The following PRL variants were observed in gnomAD, a reference collection of about 807,000 sequenced individuals.
The protein encoded by PRL is prolactin.
Under a neutral mutation model 21.3 loss-of-function variants are expected in PRL, and 24 were observed. The ratio of observed to expected loss-of-function variants is 1.13; its 90% confidence interval spans 0.82 to 1.59. The LOEUF (loss-of-function observed/expected upper bound fraction) is 1.59, where lower values mean the gene tolerates loss of function less well. Ranked by LOEUF, PRL falls within the 40% of genes most tolerant of loss-of-function variation. The pLI is 0.00. For missense variants in PRL, 243 were observed against 286.9 expected, an observed-to-expected ratio of 0.85 and a Z score of 1.10; for synonymous variants, 118 against 115.7, an observed-to-expected ratio of 1.02 and a Z score of -0.13.
rs114933155 is a variant in PRL, at chr6:22,287,914, G to A, written c.493-321C>T. The stretch of plus-strand genomic sequence containing the variant: ...TGACGAAGAGACAATGGAGTAGCTA[G>A]CTTCGGTGCTCTCACTTGAGGAACT... On this transcript the variant is annotated intron_variant, in intron 4 of 4. Coordinates refer to ENST00000306482, the MANE Select transcript of PRL (RefSeq NM_000948.6). 3.4e-3 allele frequency among the ~76,000 whole-genome samples: 513 copies of A among 152,294 alleles called. 4 individuals are homozygous for A. The highest frequency in any genetic ancestry group is 0.012 in the African/African-American group (478 of 41,562).
chr6:22,295,263 A>T (rs2113513426), intron 1 of PRL, among the ~76,000 whole-genome samples: 1 of 152,314 alleles, frequency 6.6e-6, no homozygotes, highest in East Asian at 1.9e-4. Context: ...TGTAATTATC[A>T]TCAAATTATA....
At chr6:22,293,891 T>C (rs1232984652) in intron 2 of PRL, among the ~76,000 whole-genome samples, 2 of 152,234 alleles carry the variant, frequency 1.3e-5, no homozygotes, top group African/African-American at 2.4e-5. Context: ...TAAACCCATA[T>C]ACTGAAATCT....
At chr6:22,287,863 G>A (rs1760956050) in intron 4 of PRL, among the ~76,000 whole-genome samples, 2 of 152,174 alleles carry the variant, frequency 1.3e-5, no homozygotes, top group South Asian at 4.1e-4. Context: ...AACTGGAAAG[G>A]TACTATGTAA....
rs1237405271 is a variant in PRL, at chr6:22,294,544, G to C, written c.69C>G (p.Cys23Trp). 1.2e-6 allele frequency: 2 copies of C among 1,612,816 alleles called. No homozygotes were observed. Among genetic ancestry groups the C allele is most frequent in the South Asian group, 2.2e-5 (2 of 90,924 alleles). ...LLLLVSNLLL[C>W]QSVAPLPICP... Reference sequence around the variant, plus strand: ...AGATGGGCAAGGGGGCCACGCTCTGGCACAGGAGCAGGTTTGACACCAGCA... The same window carrying C: ...AGATGGGCAAGGGGGCCACGCTCTGCCACAGGAGCAGGTTTGACACCAGCA... The change falls in exon 2 of 5, where the codon TGC (cysteine) becomes TGG (tryptophan). Residue 23 changes from cysteine to tryptophan, a missense_variant. Coordinates refer to ENST00000306482, the MANE Select transcript of PRL (RefSeq NM_000948.6).
In PRL at chr6:22,290,191, C is replaced by T; in HGVS notation, c.475G>A (p.Glu159Lys). 1 of 1,596,038 alleles carries T rather than the reference C, an allele frequency of 6.3e-7. No homozygotes were observed. Among genetic ancestry groups the T allele is most frequent in the Non-Finnish European group, 8.6e-7 (1 of 1,167,172 alleles). Residue 159 changes from glutamate (E) to lysine (K), a missense_variant, in exon 4 of 5, where the codon GAG becomes AAG. Transcript: ENST00000306482. ...CTGCTCACCTGGCTGACTATCAGCT[C>T]CATGCCCTCTAGAAGCCGTTTGGTT... is the stretch of plus-strand genomic sequence containing the variant. The part of the protein sequence containing the change: ...EQTKRLLEGM[E>K]LIVSQVHPET...
At chr6:22,294,716 G>A (rs542339086) in intron 1 of PRL, 132 bp from the exon 2 acceptor site, 8 of 943,000 alleles carry the variant, frequency 8.5e-6, no homozygotes, top group East Asian at 2.7e-5. Flanking sequence ...TAATGGCTGG[G>A]ATGGGGGAAG....
rs1761194386 is a variant in PRL at position 22,297,027 on chromosome 6, G to C, written c.-45C>G. 5 of 1,606,166 alleles carry C rather than the reference G, an allele frequency of 3.1e-6. No individual in the cohort carries two copies. In the African/African-American group the frequency reaches 5.4e-5, roughly 17 times the overall value. ...AACACACTTCACCAGAGAAGATCTG[G>C]AAGTCTCACGGTTTTCTCTTTCCCA... On this transcript the variant is annotated 5_prime_UTR_variant, in exon 1 of 5. Transcript: ENST00000306482.
chr6:22,292,502 G>A (rs757196580), intron 3 of PRL, 36 bp downstream of exon 3: 16 of 1,575,188 alleles, frequency 1.0e-5, no homozygotes. Flanking sequence ...ATACTGCCTT[G>A]GTTGTTTTGG....
At chr6:22,301,886 T>A (rs1761287603), upstream of PRL, among the ~76,000 whole-genome samples, 1 of 152,158 alleles carries the variant, frequency 6.6e-6, no homozygotes, top group Non-Finnish European at 1.5e-5. Flanking sequence ...AATTCTTTGA[T>A]GGAATGCTCT....
upstream of PRL, among the ~76,000 whole-genome samples, chr6:22,301,406 C>A (rs1761279606): frequency 6.6e-6 from 1 of 152,074 alleles, no homozygotes; most frequent in Non-Finnish European, 1.5e-5. Flanking sequence ...AAATGATAGG[C>A]ATTGATGTTT....
chr6:22,289,005 T>G (rs1460849938), intron 4 of PRL, among the ~76,000 whole-genome samples: 1 of 152,148 alleles, frequency 6.6e-6, no homozygotes, highest in Non-Finnish European at 1.5e-5. Context: ...TTATTTTTAA[T>G]TTTTGGTACT....
rs1760939607 is a variant in PRL, at chr6:22,287,289, AGAG to A, written c.*110_*112del. Reference sequence around the variant, plus strand: ...CTAAGGAGTCAGTTTTTATTTTTTAAGAGGAGACCTGTTACACCCAAGCATGGA... The same window carrying A: ...CTAAGGAGTCAGTTTTTATTTTTTAAGAGACCTGTTACACCCAAGCATGGA... On this transcript the variant is annotated 3_prime_UTR_variant, in exon 5 of 5. Coordinates refer to ENST00000306482, the MANE Select transcript of PRL (RefSeq NM_000948.6). 6 of 1,095,520 alleles carry A rather than the reference AGAG, an allele frequency of 5.5e-6. No individual in the cohort carries two copies. Among genetic ancestry groups the A allele is most frequent in the Non-Finnish European group, 6.2e-6 (5 of 802,628 alleles). The allele number at this position is 1,095,520 out of a possible 1,614,324, so 67.9% of individuals were successfully genotyped here.
upstream of PRL, among the ~76,000 whole-genome samples, chr6:22,302,292 C>A (rs1201968790): frequency 1.3e-5 from 2 of 149,772 alleles, no homozygotes; most frequent in African/African-American, 4.9e-5. Context: ...ACTCACACAC[C>A]CAGAACACAA....
rs770982034 is a variant in PRL, at chr6:22,290,248, T to C, written c.418A>G (p.Ile140Val). The C allele has an allele frequency of 6.2e-7, 1 of 1,613,316 alleles. No individual in the cohort carries two copies. The highest frequency in any genetic ancestry group is 8.5e-7 in the Non-Finnish European group (1 of 1,179,360). The change falls in exon 4 of 5, where the codon ATC becomes GTC. Residue 140 changes from isoleucine (I) to valine (V), a missense_variant. By Grantham distance (29) the Ile-to-Val change is conservative. Coordinates refer to ENST00000306482, the MANE Select transcript of PRL (RefSeq NM_000948.6). ...VRGMQEAPEA[I>V]LSKAVEIEEQ... is the part of the protein sequence containing the mutation. ...TCAATCTCTACAGCTTTGGATAGGA[T>C]AGCCTCCGGGGCTTCTTGCATACCA... is the stretch of plus-strand genomic sequence containing the variant.
intron 3 of PRL, among the ~76,000 whole-genome samples, chr6:22,291,663 C>G (rs963825748): frequency 6.6e-6 from 1 of 152,124 alleles, no homozygotes; most frequent in African/African-American, 2.4e-5. Context: ...CTCCTTCTCC[C>G]CTTTCTCTTT....
Position 22,287,539 on chromosome 6 carries a change from A to C in PRL, c.547T>G (p.Ser183Ala), listed in dbSNP as rs138984819. The C allele has an allele frequency of 4.1e-5, 66 of 1,613,962 alleles. No homozygotes were observed. In the Middle Eastern group the frequency reaches 8.2e-4, roughly 20 times the overall value. The change falls in exon 5 of 5, where the codon TCC becomes GCC. Residue 183 changes from serine (S) to alanine (A), a missense_variant. By Grantham distance (99) the Ser-to-Ala change is moderately conservative (BLOSUM62 1). Transcript: ENST00000306482. ...GACTCTTCATCAGCCATCTGCAGGG[A>C]TGGAAGTCCCGACCAGACAGGGTAG... ...EIYPVWSGLP[S>A]LQMADEESRL...
intron 2 of PRL, 37 bp downstream of exon 2, chr6:22,294,372 G>A (rs1189129477): frequency 6.2e-7 from 1 of 1,610,452 alleles, no homozygotes; most frequent in African/African-American, 1.3e-5. Context: ...TCATGTGAAG[G>A]CTCCTTCAGG....
At chr6:22,293,438 G>T (rs2113508413) in intron 2 of PRL, among the ~76,000 whole-genome samples, 1 of 152,238 alleles carries the variant, frequency 6.6e-6, no homozygotes, top group Admixed American at 6.5e-5. Flanking sequence ...ATAAATGTAT[G>T]TTTATTCTCT....
chr6:22,299,783 G>A (rs1761250290), upstream of PRL, among the ~76,000 whole-genome samples: 1 of 152,130 alleles, frequency 6.6e-6, no homozygotes, highest in South Asian at 2.1e-4. Context: ...AGGTTGCAGT[G>A]AGCCAAGTTC....
Sources: allele counts gnomAD v4.1 joint callset (sites outside exome capture counted in the v4.1 genomes callset), GRCh38; gene constraint gnomAD v4.1.1; transcripts MANE v1.5; gene names NCBI Gene and HGNC (gene_info 2026-07-23, HGNC 2026-07-21).